Variants in BCAS3 observed in about 807,000 individuals in gnomAD.
BCAS3 encodes the protein BCAS4/BCAS3 fusion.
A neutral mutation model predicts 116.1 loss-of-function variants in BCAS3; 53 were observed. That is an observed-to-expected ratio of 0.46 (90% confidence interval 0.37 to 0.57). The LOEUF is 0.57. Ranked by LOEUF, BCAS3 falls within the 20% of genes least tolerant of loss-of-function variation. BCAS3 has a pLI of 0.00. For missense variants in BCAS3, 917 were observed against 1,165.4 expected (o/e 0.79, Z 3.10); for synonymous variants, 391 against 408.2 (o/e 0.96, Z 0.51).
intron 15 of BCAS3, among the ~76,000 whole-genome samples, chr17:60,992,190 A>C (rs7208802): frequency 3.3e-4 from 11 of 32,928 alleles, no homozygotes; most frequent in African/African-American, 3.2e-3. Flanking sequence ...CCGATGACTT[A>C]CACACACACA....
chr17:61,042,712 A>G lies in BCAS3; in HGVS notation c.2029+1820A>G, dbSNP rs369664119. Among the ~76,000 whole-genome samples, 181 of 151,552 alleles carry G rather than the reference A, an allele frequency of 1.2e-3. 2 individuals are homozygous for G. Among genetic ancestry groups the G allele is most frequent in the African/African-American group, 3.7e-3 (152 of 41,370 alleles). On this transcript the variant is annotated intron_variant, in intron 19 of 23. Transcript: ENST00000407086. ...AGACCAGCCTGGCCATCATGGTGAA[A>G]CCCCATCTCTACTAAAAATACGAAA...
chr17:61,210,459 T>C (rs1477533036), intron 22 of BCAS3, among the ~76,000 whole-genome samples: 2 of 152,190 alleles, frequency 1.3e-5, no homozygotes, highest in Non-Finnish European at 2.9e-5. Flanking sequence ...GGAGTAAATA[T>C]TGGAGACAAG....
chr17:60,985,453 A>T (rs993933091), intron 14 of BCAS3, among the ~76,000 whole-genome samples: 1 of 152,028 alleles, frequency 6.6e-6, no homozygotes, highest in Non-Finnish European at 1.5e-5. Context: ...GGTCCCAATT[A>T]TATTCTTTAA....
chr17:61,260,318 C>T (rs2049093012), intron 22 of BCAS3, among the ~76,000 whole-genome samples: 1 of 152,064 alleles, frequency 6.6e-6, no homozygotes, highest in South Asian at 2.1e-4. Context: ...CCCAGAGAAA[C>T]CCATAGTACG....
At position 61,188,327 on chromosome 17, in the gene BCAS3, A is replaced by G. The variant is rs1011767935; in HGVS notation, c.2425+103763A>G. Among the ~76,000 whole-genome samples, 1 of 152,232 alleles carries G rather than the reference A, an allele frequency of 6.6e-6. No homozygotes were observed. Among genetic ancestry groups the G allele is most frequent in the African/African-American group, 2.4e-5 (1 of 41,458 alleles). ...CCAAAAGTATTACCTATTATGATGT[A>G]GTTTCATCAGTCATCTTTGAAATGT... On this transcript the variant is annotated intron_variant, in intron 22 of 23. Transcript: ENST00000407086. The surrounding 1 kb of genome is among the most constrained non-coding windows in gnomAD (Gnocchi z 4.0).
intron 22 of BCAS3, among the ~76,000 whole-genome samples, chr17:61,206,360 G>A (rs80331729): frequency 0.024 from 3,577 of 152,202 alleles, 55 homozygotes; most frequent in Middle Eastern, 0.071. Flanking sequence ...TGTTTAGTGC[G>A]GAGGGTCACT....
At chr17:61,272,565 G>C (rs1183543334) in intron 22 of BCAS3, among the ~76,000 whole-genome samples, 1 of 142,032 alleles carries the variant, frequency 7.0e-6, no homozygotes, top group East Asian at 2.1e-4. Flanking sequence ...CTTGAGCCCA[G>C]GAGGTCAAGG....
At chr17:61,060,278 C>G (rs899717506) in intron 19 of BCAS3, among the ~76,000 whole-genome samples, 3 of 151,600 alleles carry the variant, frequency 2.0e-5, no homozygotes, top group African/African-American at 4.8e-5. Context: ...AGGCGCCCAC[C>G]ACCACACCCG....
At chr17:60,763,077 A>G (rs1462903125) in intron 6 of BCAS3, among the ~76,000 whole-genome samples, 1 of 152,200 alleles carries the variant, frequency 6.6e-6, no homozygotes, top group Non-Finnish European at 1.5e-5. Flanking sequence ...GTTGCTTATC[A>G]GCTTAAGGAG....
chr17:61,322,078 C>T (rs1410166159), intron 22 of BCAS3, among the ~76,000 whole-genome samples: 1 of 152,024 alleles, frequency 6.6e-6, no homozygotes, highest in Non-Finnish European at 1.5e-5. Flanking sequence ...GGATTACAGG[C>T]ATGCACCACC....
Position 61,392,039 on chromosome 17 carries a change from A to T in BCAS3, c.2656A>T (p.Ile886Leu), listed in dbSNP as rs1054629085. The T allele has an allele frequency of 1.9e-6, 3 of 1,613,802 alleles. No homozygotes were observed. Among genetic ancestry groups the T allele is most frequent in the African/African-American group, 2.7e-5 (2 of 74,922 alleles). ...CAGCTCAGGCTCCACCAGCGGCAGC[A>T]TACCAAGAAACTTTGATGGCTACCG... Reference protein sequence around the residue: ...SNSSGSTSGSIPRNFDGYRSP... With the variant: ...SNSSGSTSGSLPRNFDGYRSP... The change falls in exon 24 of 24, where the codon ATA becomes TTA. Residue 886 changes from isoleucine (I) to leucine (L), a missense_variant. Ile to Leu is a conservative substitution (Grantham distance 5). Transcript: ENST00000407086. This position sits in a 1 kb window ranked among gnomAD's most constrained non-coding sequence, Gnocchi z 6.4.
intron 15 of BCAS3, among the ~76,000 whole-genome samples, chr17:60,991,652 AC>A (rs2063533229): frequency 6.6e-6 from 1 of 152,164 alleles, no homozygotes; most frequent in East Asian, 1.9e-4. Context: ...AATTCACATA[AC>A]GTAATATTCA....
chr17:61,213,264 G>T lies in BCAS3; in HGVS notation c.2425+128700G>T, dbSNP rs531706398. On this transcript the variant is annotated intron_variant, in intron 22 of 23. Coordinates refer to ENST00000407086, the MANE Select transcript of BCAS3 (RefSeq NM_017679.5). The surrounding 1 kb of genome is among the most constrained non-coding windows in gnomAD (Gnocchi z 5.4). ...GGCTCACTGCAACCTCTGGTCCCCG[G>T]GTTCAAGCGATCCTCCTGCCTCAGC... is the stretch of plus-strand genomic sequence containing the variant. Among the ~76,000 whole-genome samples the T allele has an allele frequency of 6.6e-6, 1 of 152,164 alleles. No homozygotes were observed.
At chr17:60,710,517 T>C (rs917052568) in intron 5 of BCAS3, among the ~76,000 whole-genome samples, 22 of 151,134 alleles carry the variant, frequency 1.5e-4, no homozygotes, top group African/African-American at 2.2e-4. Context: ...CTGCAAGCTC[T>C]GCCTCCCGGG....
intron 15 of BCAS3, among the ~76,000 whole-genome samples, chr17:61,009,209 C>T (rs2064937619): frequency 6.6e-6 from 1 of 151,998 alleles, no homozygotes; most frequent in South Asian, 2.1e-4. Flanking sequence ...TCACAGGGCA[C>T]CATTGCTTAG....
chr17:60,756,644 T>C (rs2043014045), intron 6 of BCAS3, among the ~76,000 whole-genome samples: 1 of 152,228 alleles, frequency 6.6e-6, no homozygotes, highest in Non-Finnish European at 1.5e-5. Context: ...ATTCTGTATA[T>C]ATACCACATT....
chr17:60,913,862 A>G (rs1011784890), intron 12 of BCAS3, among the ~76,000 whole-genome samples: 1 of 152,156 alleles, frequency 6.6e-6, no homozygotes, highest in Non-Finnish European at 1.5e-5. Context: ...TTGACTTTGC[A>G]TCCATTTTTA....
At chr17:60,853,085 C>T (rs1309065955) in intron 7 of BCAS3, among the ~76,000 whole-genome samples, 1 of 152,148 alleles carries the variant, frequency 6.6e-6, no homozygotes, top group Non-Finnish European at 1.5e-5. Context: ...TTGGTACATC[C>T]TGTGAGTGGA....
At chr17:60,752,157 T>G (rs1321117546) in intron 6 of BCAS3, among the ~76,000 whole-genome samples, 2 of 129,840 alleles carry the variant, frequency 1.5e-5, no homozygotes, top group African/African-American at 4.1e-5. Flanking sequence ...GGCTGAAGGG[T>G]GTGTGTGTGT....
Sources: allele counts gnomAD v4.1 joint callset (sites outside exome capture counted in the v4.1 genomes callset), GRCh38; gene constraint gnomAD v4.1.1; non-coding constraint Gnocchi (gnomAD v3.1); transcripts MANE v1.5; gene names NCBI Gene and HGNC (gene_info 2026-07-23, HGNC 2026-07-21).